EPSTI1: variants seen among roughly 807,000 people sequenced by gnomAD.
The protein encoded by EPSTI1 is epithelial stromal interaction 1.
A neutral mutation model predicts 49.9 loss-of-function variants in EPSTI1; 66 were observed. That is an observed-to-expected ratio of 1.32 (90% CI 1.08 to 1.62). The LOEUF (loss-of-function observed/expected upper bound fraction) is 1.62. Among genes scored for constraint, EPSTI1 ranks in the 40% most tolerant of loss-of-function variants. EPSTI1 has a pLI of 0.00. For synonymous variants in EPSTI1, 137 were observed against 130.7 expected (o/e 1.05, Z -0.33); for missense variants, 394 against 365.5 (o/e 1.08, Z -0.64).
intron 5 of EPSTI1, among the ~76,000 whole-genome samples, chr13:42,959,965 C>T (rs1200682771): frequency 4.6e-4 from 70 of 152,240 alleles, no homozygotes; most frequent in Admixed American, 4.4e-3. Context: ...CAACTATTTA[C>T]ACAACATTTA....
At chr13:42,917,239 T>C (rs1166470663) in intron 8 of EPSTI1, among the ~76,000 whole-genome samples, 4 of 152,122 alleles carry the variant, frequency 2.6e-5, no homozygotes, top group South Asian at 4.1e-4. Context: ...GTGATGGTGG[T>C]GGTGTTTTGT....
intron 5 of EPSTI1, among the ~76,000 whole-genome samples, chr13:42,957,944 C>G (rs1454039480): frequency 1.3e-5 from 2 of 152,156 alleles, no homozygotes; most frequent in Non-Finnish European, 2.9e-5. Flanking sequence ...TCTTTTCTTT[C>G]TTTCTTTTTA....
chr13:42,983,972 T>C (rs2040034508), intron 1 of EPSTI1, among the ~76,000 whole-genome samples: 1 of 152,240 alleles, frequency 6.6e-6, no homozygotes, highest in Non-Finnish European at 1.5e-5. Flanking sequence ...CAATGCTTCA[T>C]TACATTTCTC....
intron 9 of EPSTI1, among the ~76,000 whole-genome samples, chr13:42,898,829 A>G (rs761496132): frequency 1.3e-5 from 2 of 152,254 alleles, no homozygotes; most frequent in African/African-American, 2.4e-5. Flanking sequence ...TCAGAAATCC[A>G]GAGAAATAAC....
rs56259281 is a variant in EPSTI1, at chr13:42,983,563, C to CAAAAAAAAAAAAAAAAAAAAAAAAAAAA, written c.188+8414_188+8415insTTTTTTTTTTTTTTTTTTTTTTTTTTTT. ...TGGGCAACAGAGCGAGACTCCATCTCAAAAAAAAAAAAAAAAAAAAAAAAA... is the reference window on the plus strand; with the variant it reads ...TGGGCAACAGAGCGAGACTCCATCTCAAAAAAAAAAAAAAAAAAAAAAAAAAAAAAAAAAAAAAAAAAAAAAAAAAAAA... On this transcript the variant is annotated intron_variant, in intron 1 of 10. Coordinates refer to ENST00000313624, the MANE Select transcript of EPSTI1 (RefSeq NM_033255.5). Among the ~76,000 whole-genome samples the CAAAAAAAAAAAAAAAAAAAAAAAAAAAA allele has an allele frequency of 2.1e-5, 2 of 95,498 alleles. 1 individual carries two copies. The highest frequency in any genetic ancestry group is 3.7e-5 in the Non-Finnish European group (2 of 53,718). 62.7% of individuals were successfully genotyped at this position (95,498 alleles called of 152,430 possible).
At chr13:42,905,940 G>T (rs140524617) in intron 8 of EPSTI1, among the ~76,000 whole-genome samples, 1,552 of 152,322 alleles carry the variant, frequency 0.01, 96 homozygotes, top group Admixed American at 0.093. Flanking sequence ...TTCATACAGA[G>T]CTGCATACAA....
chr13:42,893,798 C>G (rs1424732882), intron 10 of EPSTI1, among the ~76,000 whole-genome samples: 1 of 152,190 alleles, frequency 6.6e-6, no homozygotes, highest in Admixed American at 6.5e-5. Context: ...AATCTAAATT[C>G]CAATTGTGTT....
At chr13:42,969,023 A>G (rs1350657422) in intron 3 of EPSTI1, 71 bp downstream of exon 3, 17 of 1,452,296 alleles carry the variant, frequency 1.2e-5, no homozygotes, top group Non-Finnish European at 1.4e-5. Flanking sequence ...AGACAGACAT[A>G]TGCAAGCTGC....
At chr13:42,941,217 A>G (rs2038740675) in intron 6 of EPSTI1, among the ~76,000 whole-genome samples, 1 of 152,172 alleles carries the variant, frequency 6.6e-6, no homozygotes, top group Non-Finnish European at 1.5e-5. Context: ...TTCTTTTGAC[A>G]TTGGTTTGAA....
At chr13:42,940,326 C>A (rs561205434) in intron 6 of EPSTI1, among the ~76,000 whole-genome samples, 7 of 152,260 alleles carry the variant, frequency 4.6e-5, no homozygotes, top group African/African-American at 1.7e-4. Flanking sequence ...AAAGTCGGGT[C>A]CTACCTATCA....
rs190467490 is a variant in EPSTI1, at chr13:42,977,666, C to T, written c.189-6996G>A. ...CTGGTGCTCTGTGACCATGAAAACA[C>T]CACATCAGTGGTAATCCGTTGCTGT... On this transcript the variant is annotated intron_variant, in intron 1 of 10. Coordinates refer to ENST00000313624, the MANE Select transcript of EPSTI1 (RefSeq NM_033255.5). Among the ~76,000 whole-genome samples the T allele has an allele frequency of 2.0e-5, 3 of 152,342 alleles. No individual in the cohort carries two copies. In the East Asian group the frequency reaches 5.8e-4, roughly 29 times the overall value.
chr13:42,978,014 G>T (rs1176803507), intron 1 of EPSTI1, among the ~76,000 whole-genome samples: 1 of 151,990 alleles, frequency 6.6e-6, no homozygotes, highest in African/African-American at 2.4e-5. Flanking sequence ...TTAGCTGGGT[G>T]TAGTGGCGGG....
At position 42,900,201 on chromosome 13, in the gene EPSTI1, A is replaced by G. The variant is rs866475899; in HGVS notation, c.815+109T>C. The G allele has an allele frequency of 2.2e-5, 22 of 1,006,214 alleles. 2 individuals carry two copies. The Middle Eastern group carries it at 1.2e-3, about 57-fold the overall frequency. The allele number at this position is 1,006,214 out of a possible 1,614,324, so 62.3% of individuals were successfully genotyped here. ...AATAACAGATTTAAAGGTAACACGC[A>G]TTCCAAAACCATATTAATAATGTTA... On this transcript the variant is annotated intron_variant, in intron 9 of 10. Coordinates refer to ENST00000313624, the MANE Select transcript of EPSTI1 (RefSeq NM_033255.5).
chr13:42,956,297 A>G (rs2039269730), intron 5 of EPSTI1, among the ~76,000 whole-genome samples: 1 of 152,182 alleles, frequency 6.6e-6, no homozygotes, highest in Non-Finnish European at 1.5e-5. Flanking sequence ...GCTTCTTTCT[A>G]TGGAGAGTGG....
chr13:42,969,391 C>G (rs1483593474), intron 2 of EPSTI1: 8 of 514,334 alleles, frequency 1.6e-5, no homozygotes, highest in Non-Finnish European at 2.7e-5. Context: ...AGAGTCAGCA[C>G]AGAGGGTTCG....
Position 42,963,320 on chromosome 13 carries a change from C to A in EPSTI1, c.424G>T (p.Val142Leu). The A allele has an allele frequency of 6.2e-7, 1 of 1,612,462 alleles. No individual in the cohort carries two copies. The highest frequency in any genetic ancestry group is 8.5e-7 in the Non-Finnish European group (1 of 1,179,542). The change falls in exon 5 of 11, where the codon GTA becomes TTA. Residue 142 changes from valine to leucine, a missense_variant. Val to Leu is a conservative substitution (Grantham distance 32). Transcript: ENST00000313624. ...YKQKLKREES[V>L]RIKKEAEEAE... is the part of the protein sequence containing the mutation. ...TCTTCAGCTTCCTTCTTGATTCTTACAGATTCTTCTCTTTTTAGCTAAATT... is the reference window on the plus strand; with the variant it reads ...TCTTCAGCTTCCTTCTTGATTCTTAAAGATTCTTCTCTTTTTAGCTAAATT...
chr13:42,923,180 C>T (rs542366744), intron 7 of EPSTI1, among the ~76,000 whole-genome samples: 4 of 152,304 alleles, frequency 2.6e-5, no homozygotes, highest in African/African-American at 9.6e-5. Context: ...TGATTTTATC[C>T]TTGAAGATAT....
intron 1 of EPSTI1, among the ~76,000 whole-genome samples, chr13:42,983,806 A>G (rs112444700): frequency 0.013 from 1,990 of 152,248 alleles, 39 homozygotes; most frequent in African/African-American, 0.043. Flanking sequence ...AGAATATTCA[A>G]TAATGTACCT....
intron 7 of EPSTI1, chr13:42,919,378 T>A: frequency 6.3e-7 from 1 of 1,576,726 alleles, no homozygotes; most frequent in Non-Finnish European, 8.7e-7. Context: ...CTATTTTTCT[T>A]AGCTCTAAAC....
Sources: gnomAD v4.1 joint callset for allele counts (sites outside exome capture counted in the v4.1 genomes callset) on GRCh38, gnomAD v4.1.1 for gene constraint, MANE v1.5 for transcripts, NCBI Gene and HGNC (gene_info 2026-07-23, HGNC 2026-07-21) for gene names.